ADAM19: variants seen among roughly 807,000 people sequenced by gnomAD.
ADAM19 encodes disintegrin and metalloproteinase domain-containing protein 19.
A neutral mutation model predicts 114.7 loss-of-function variants in ADAM19; 65 were observed. That is an observed-to-expected ratio of 0.57 (90% CI 0.46 to 0.70). The LOEUF is 0.70. ADAM19 is among the 30% of genes least tolerant of loss of function. The pLI is 0.00. For synonymous variants in ADAM19, 466 were observed against 460.5 expected, an observed-to-expected ratio of 1.01 and a Z score of -0.15; for missense variants, 1,063 against 1,204.7, an observed-to-expected ratio of 0.88 and a Z score of 1.74.
chr5:157,536,802 T>G (rs1756781078), intron 4 of ADAM19, among the ~76,000 whole-genome samples: 1 of 152,230 alleles, frequency 6.6e-6, no homozygotes. Flanking sequence ...TCAGGTTCCA[T>G]GAGAAGCTGC....
chr5:157,572,396 C>T, intron 1 of ADAM19: 1 of 391,962 alleles, frequency 2.6e-6, no homozygotes, highest in East Asian at 7.4e-5. Context: ...TTTCCCGACA[C>T]CTAAACAGAC....
rs1175426444 is a variant in ADAM19 at position 157,479,309 on chromosome 5, C to T, written c.*1640G>A. On this transcript the variant is annotated 3_prime_UTR_variant, in exon 23 of 23. Coordinates refer to ENST00000257527, the MANE Select transcript of ADAM19 (RefSeq NM_033274.5). ...AGAAGCACCTATTGTGTGCAGAGAA[C>T]TATAAGGAGGCCCTGGGGTGGTGAA... 22 of 985,942 alleles carry T rather than the reference C, an allele frequency of 2.2e-5. No homozygotes were observed. The highest frequency in any genetic ancestry group is 2.7e-5 in the Non-Finnish European group (22 of 830,020). The allele number at this position is 985,942 out of a possible 1,614,324, so 61.1% of individuals were successfully genotyped here.
intron 3 of ADAM19, among the ~76,000 whole-genome samples, chr5:157,545,555 A>C (rs1475830979): frequency 6.6e-6 from 1 of 152,164 alleles, no homozygotes; most frequent in Non-Finnish European, 1.5e-5. Flanking sequence ...AAGATTGTTT[A>C]GGAGAAGCGA....
Position 157,478,532 on chromosome 5 carries a change from T to C in ADAM19, c.*2417A>G, listed in dbSNP as rs541959724. On this transcript the variant is annotated 3_prime_UTR_variant, in exon 23 of 23. Transcript: ENST00000257527. The stretch of plus-strand genomic sequence containing the variant: ...TCGTGCTTTGGAATAAGGTCTCTCC[T>C]TCCCTAAGCCCAGATTTATTTGTAT... 5.2e-4 allele frequency: 509 copies of C among 977,300 alleles called. 5 individuals carry two copies. In the South Asian group the frequency reaches 0.018, roughly 34 times the overall value. 60.5% of individuals were successfully genotyped at this position (977,300 alleles called of 1,614,324 possible).
intron 22 of ADAM19, chr5:157,481,367 C>A (rs1754739732): frequency 1.9e-5 from 11 of 584,768 alleles, no homozygotes; most frequent in Non-Finnish European, 3.0e-5. Context: ...GTCAGCCACA[C>A]AGAAGAAGTA....
At chr5:157,528,252 G>A (rs1404350050) in intron 5 of ADAM19, among the ~76,000 whole-genome samples, 9 of 152,162 alleles carry the variant, frequency 5.9e-5, no homozygotes, top group Non-Finnish European at 8.8e-5. Context: ...GGGAAAGTAA[G>A]GCAGGTGGAC....
chr5:157,482,081 T>C (rs1392534800), intron 21 of ADAM19, 138 bp from the exon 22 acceptor site: 1 of 703,266 alleles, frequency 1.4e-6, no homozygotes, highest in Non-Finnish European at 2.3e-6. Flanking sequence ...ACTGTATGTA[T>C]AATGTGTTTA....
chr5:157,495,330 G>C (rs1755325647), intron 14 of ADAM19, among the ~76,000 whole-genome samples: 1 of 152,064 alleles, frequency 6.6e-6, no homozygotes, highest in Admixed American at 6.5e-5. Flanking sequence ...CTACCTTATT[G>C]AGGATTTATA....
At chr5:157,534,163 A>G (rs1756700442) in intron 4 of ADAM19, among the ~76,000 whole-genome samples, 1 of 151,932 alleles carries the variant, frequency 6.6e-6, no homozygotes, top group African/African-American at 2.4e-5. Context: ...GACACCTACA[A>G]CTTACTATTA....
intron 3 of ADAM19, among the ~76,000 whole-genome samples, chr5:157,542,796 T>A (rs1756952366): frequency 6.6e-6 from 1 of 152,188 alleles, no homozygotes; most frequent in Non-Finnish European, 1.5e-5. Context: ...CAGAGCCAGA[T>A]TCTGTCTCAA....
chr5:157,537,689 C>A (rs1398105138), intron 4 of ADAM19, among the ~76,000 whole-genome samples: 1 of 152,018 alleles, frequency 6.6e-6, no homozygotes, highest in African/African-American at 2.4e-5. Flanking sequence ...ATGCAATTAC[C>A]CTAAAATAGT....
rs1292149183 is a variant in ADAM19, at chr5:157,509,324, G to GT, written c.881dup (p.Tyr294Ter). The GT allele has an allele frequency of 6.2e-7, 1 of 1,610,892 alleles. No individual in the cohort carries two copies. The highest frequency in any genetic ancestry group is 8.5e-7 in the Non-Finnish European group (1 of 1,178,236). Residue 294 changes from tyrosine (Y) to a stop codon, truncating the protein, a stop_gained and frameshift_variant, in exon 9 of 23, where the codon TAC becomes TAAC. Transcript: ENST00000257527. LOFTEE classifies it high-confidence loss of function. ...ACGTGATTAATTGGGCGTTGTCATG[G>GT]TACTTCTGGGCAAGCAGCTTGCGCC... ...SWRRKLLAQKYHDNAQLITGM... is the reference protein window; with the variant it reads ...SWRRKLLAQK
intron 5 of ADAM19, among the ~76,000 whole-genome samples, chr5:157,522,174 T>C: frequency 6.6e-6 from 1 of 152,208 alleles, no homozygotes; most frequent in African/African-American, 2.4e-5. Context: ...TCCCACCACC[T>C]TCCTAGGATC....
intron 8 of ADAM19, among the ~76,000 whole-genome samples, chr5:157,512,614 C>T (rs1755956895): frequency 1.3e-5 from 2 of 152,176 alleles, no homozygotes; most frequent in Non-Finnish European, 2.9e-5. Context: ...CTTTCATATA[C>T]ACAATGTACT....
rs374804799 is a variant in ADAM19 at position 157,507,161 on chromosome 5, C to T, written c.906-21G>A. 133 of 1,612,134 alleles carry T rather than the reference C, an allele frequency of 8.2e-5. 1 individual carries two copies. Among genetic ancestry groups the T allele is most frequent in the South Asian group, 6.6e-4 (60 of 91,036 alleles). On this transcript the variant is annotated intron_variant, in intron 9 of 22. Transcript: ENST00000257527. Reference sequence around the variant, plus strand: ...TGCCCCTGCAGGAGGCAAGGAGAGACGGTGACCGGGGACGAGACTAAGAGG... The same window carrying T: ...TGCCCCTGCAGGAGGCAAGGAGAGATGGTGACCGGGGACGAGACTAAGAGG...
chr5:157,481,355 C>T (rs1474936942), intron 22 of ADAM19: 1 of 580,310 alleles, frequency 1.7e-6, no homozygotes, highest in Non-Finnish European at 3.0e-6. Flanking sequence ...CAAACTGAGA[C>T]TGTCAGCCAC....
At chr5:157,528,794 A>G (rs966371254) in intron 5 of ADAM19, among the ~76,000 whole-genome samples, 1 of 152,194 alleles carries the variant, frequency 6.6e-6, no homozygotes, top group Non-Finnish European at 1.5e-5. Flanking sequence ...TAATTACAGC[A>G]ATAATCTCTA....
intron 3 of ADAM19, among the ~76,000 whole-genome samples, chr5:157,560,599 G>A (rs1040855206): frequency 1.3e-5 from 2 of 152,220 alleles, no homozygotes; most frequent in Non-Finnish European, 1.5e-5. Context: ...AAAAGGAAAT[G>A]CTGGAGCAAT....
At chr5:157,575,436 A>G (rs963672900) in intron 1 of ADAM19, among the ~76,000 whole-genome samples, 167 bp downstream of exon 1, 4 of 152,230 alleles carry the variant, frequency 2.6e-5, no homozygotes. Flanking sequence ...CCCAGGGCGC[A>G]GAACGTGGGA....
Sources: gnomAD v4.1 joint callset for allele counts (sites outside exome capture counted in the v4.1 genomes callset) on GRCh38, gnomAD v4.1.1 for gene constraint, MANE v1.5 for transcripts, NCBI Gene and HGNC (gene_info 2026-07-23, HGNC 2026-07-21) for gene names.